GRM3: variants seen among roughly 807,000 people sequenced by gnomAD.
The protein encoded by GRM3 is metabotropic glutamate receptor 3.
Under a neutral mutation model 70.5 loss-of-function variants are expected in GRM3, and 26 were observed. The ratio of observed to expected loss-of-function variants is 0.37; its 90% CI spans 0.27 to 0.51. GRM3 has a LOEUF of 0.51. Among genes scored for constraint, GRM3 ranks in the 20% least tolerant of loss-of-function variants. GRM3 has a pLI of 0.93. For missense variants in GRM3, 859 were observed against 1,123.8 expected (o/e 0.76, Z 3.37); for synonymous variants, 443 against 434.9 (o/e 1.02, Z -0.23).
Position 86,848,108 on chromosome 7 carries a change from C to T in GRM3, c.2392-2262C>T, listed in dbSNP as rs775111230. Among the ~76,000 whole-genome samples the T allele has an allele frequency of 2.6e-5, 4 of 152,178 alleles. No homozygotes were observed. In the East Asian group the frequency reaches 7.7e-4, roughly 29 times the overall value. ...GCACAATGAGAAAAAACATCCATGA[C>T]CTTGGTAGGCCCATGAATTTATATG... On this transcript the variant is annotated intron_variant, in intron 4 of 5. Coordinates refer to ENST00000361669, the MANE Select transcript of GRM3 (RefSeq NM_000840.3).
chr7:86,831,738 A>G (rs753740102), intron 3 of GRM3, among the ~76,000 whole-genome samples: 29 of 148,542 alleles, frequency 2.0e-4, no homozygotes, highest in Non-Finnish European at 3.7e-4. Flanking sequence ...AAGACTAACC[A>G]TGGTAACATT....
rs556094143 is a variant in GRM3 at position 86,775,512 on chromosome 7, G to T, written c.468+9899G>T. 1.7e-4 allele frequency among the ~76,000 whole-genome samples: 26 copies of T among 152,060 alleles called. 1 individual carries two copies. The highest frequency in any genetic ancestry group is 5.8e-4 in the African/African-American group (24 of 41,496). ...CCCTTCCCTGATTCATTCCTTTCAA[G>T]TTGGATATCACCAACTCTCTTTTTA... On this transcript the variant is annotated intron_variant, in intron 2 of 5. Coordinates refer to ENST00000361669, the MANE Select transcript of GRM3 (RefSeq NM_000840.3).
intron 1 of GRM3, among the ~76,000 whole-genome samples, chr7:86,722,613 G>C (rs1795497346): frequency 7.0e-6 from 1 of 142,676 alleles, no homozygotes; most frequent in African/African-American, 2.5e-5. Flanking sequence ...CGGGGGGTGG[G>C]GGGCTAGGAG....
chr7:86,805,427 C>T (rs1006006555), intron 3 of GRM3, among the ~76,000 whole-genome samples: 1 of 152,082 alleles, frequency 6.6e-6, no homozygotes, highest in African/African-American at 2.4e-5. Context: ...GTTAATGAAC[C>T]AACATTGACA....
intron 3 of GRM3, among the ~76,000 whole-genome samples, chr7:86,827,427 G>A (rs1397626042): frequency 6.6e-6 from 1 of 152,122 alleles, no homozygotes; most frequent in African/African-American, 2.4e-5. Context: ...TAAGAAGCAG[G>A]TGAAAAGGTA....
intron 1 of GRM3, among the ~76,000 whole-genome samples, chr7:86,671,931 A>G (rs1244293212): frequency 6.6e-6 from 1 of 152,212 alleles, no homozygotes; most frequent in Non-Finnish European, 1.5e-5. Flanking sequence ...ACTGGAAACC[A>G]ACCAGCCATA....
intron 1 of GRM3, among the ~76,000 whole-genome samples, chr7:86,754,755 T>A (rs574771963): frequency 1.3e-5 from 2 of 152,168 alleles, no homozygotes; most frequent in Non-Finnish European, 2.9e-5. Context: ...AATTTCAAAC[T>A]GATTTCAGCA....
At chr7:86,727,478 A>G (rs1795619377) in intron 1 of GRM3, among the ~76,000 whole-genome samples, 1 of 152,194 alleles carries the variant, frequency 6.6e-6, no homozygotes, top group Admixed American at 6.5e-5. Context: ...CTGAGCATAA[A>G]GCTCTTCTGG....
chr7:86,752,174 C>G (rs866551360), intron 1 of GRM3, among the ~76,000 whole-genome samples: 17 of 152,076 alleles, frequency 1.1e-4, no homozygotes, highest in Middle Eastern at 3.2e-3. Context: ...AAGTCAGTAA[C>G]CTCTCATATT....
At chr7:86,722,499 A>G (rs7802129) in intron 1 of GRM3, among the ~76,000 whole-genome samples, 17,685 of 151,666 alleles carry the variant, frequency 0.12, 2,131 homozygotes, top group African/African-American at 0.31. Context: ...AACTAACACA[A>G]AAACAGAAAA....
chr7:86,846,745 G>T (rs1397212049), intron 4 of GRM3, among the ~76,000 whole-genome samples: 3 of 152,112 alleles, frequency 2.0e-5, no homozygotes, highest in South Asian at 2.1e-4. Context: ...ATACAATTTG[G>T]TCAACATGTT....
chr7:86,744,888 A>C (rs1796067655), intron 1 of GRM3, among the ~76,000 whole-genome samples: 1 of 152,042 alleles, frequency 6.6e-6, no homozygotes, highest in Non-Finnish European at 1.5e-5. Flanking sequence ...AGAAGCAGAC[A>C]TGGGCTTTCC....
At chr7:86,656,252 A>G (rs796972120) in intron 1 of GRM3, among the ~76,000 whole-genome samples, 5 of 138,490 alleles carry the variant, frequency 3.6e-5, no homozygotes, top group African/African-American at 1.4e-4. Flanking sequence ...GTGACACTAT[A>G]CTATGTTCTT....
chr7:86,687,677 A>C (rs1042863727), intron 1 of GRM3, among the ~76,000 whole-genome samples: 4 of 151,964 alleles, frequency 2.6e-5, no homozygotes, highest in Non-Finnish European at 4.4e-5. Flanking sequence ...ACTTTAGGAA[A>C]CAGTGGAAAA....
At chr7:86,860,683 T>TTAAC (rs1450457634) in intron 5 of GRM3, among the ~76,000 whole-genome samples, 1 of 152,224 alleles carries the variant, frequency 6.6e-6, no homozygotes, top group African/African-American at 2.4e-5. Context: ...AGTTGTTCTA[T>TTAAC]TAACTTCCAT....
chr7:86,803,006 G>A (rs1797715664), intron 3 of GRM3, among the ~76,000 whole-genome samples: 2 of 152,082 alleles, frequency 1.3e-5, no homozygotes, highest in South Asian at 4.2e-4. Flanking sequence ...TCACATTTTA[G>A]CAATATACCA....
intron 1 of GRM3, among the ~76,000 whole-genome samples, chr7:86,656,701 C>T (rs1013742948): frequency 9.2e-5 from 14 of 151,946 alleles, no homozygotes; most frequent in Admixed American, 7.2e-4. Context: ...CCAGATTTAG[C>T]AAAGTACCTA....
intron 1 of GRM3, among the ~76,000 whole-genome samples, chr7:86,750,427 T>C (rs1378353598): frequency 6.6e-6 from 1 of 152,094 alleles, no homozygotes; most frequent in Admixed American, 6.6e-5. Flanking sequence ...ACTAGTTCTA[T>C]GGGCTAAGTA....
intron 1 of GRM3, among the ~76,000 whole-genome samples, chr7:86,673,385 C>T (rs370220549): frequency 1.3e-5 from 2 of 152,124 alleles, no homozygotes; most frequent in South Asian, 2.1e-4. Context: ...CTTCAAAACT[C>T]ACCAGAACAC....
Sources: allele counts gnomAD v4.1 joint callset (sites outside exome capture counted in the v4.1 genomes callset), GRCh38; gene constraint gnomAD v4.1.1; transcripts MANE v1.5; gene names NCBI Gene and HGNC (gene_info 2026-07-23, HGNC 2026-07-21).